MGA: variants seen among roughly 807,000 people sequenced by gnomAD.
MGA encodes the protein MAX dimerization protein MGA.
In MGA, 40 loss-of-function variants were observed where a neutral mutation model predicts 261.1. The observed-to-expected ratio is 0.15, with a 90% CI of 0.12 to 0.20. MGA has a LOEUF of 0.20. MGA is among the 10% of genes least tolerant of loss of function. The pLI is 1.00. For missense variants in MGA, 3,397 were observed against 3,630.5 expected (o/e 0.94, Z 1.65); for synonymous variants, 1,302 against 1,290.6 (o/e 1.01, Z -0.19).
chr15:41,641,591 G>A (rs2056821004), intron 1 of MGA, among the ~76,000 whole-genome samples: 1 of 150,302 alleles, frequency 6.7e-6, no homozygotes, highest in South Asian at 2.1e-4. Flanking sequence ...CTGGGTTCAA[G>A]CAATTCTCCT....
rs912684950 is a variant in MGA, at chr15:41,699,137, G to C, written c.2166G>C (p.Val722=). 1.2e-6 allele frequency: 2 copies of C among 1,609,768 alleles called. No homozygotes were observed. The highest frequency in any genetic ancestry group is 1.7e-6 in the Non-Finnish European group (2 of 1,177,786). Reference sequence around the variant, plus strand: ...TGAAGACTTTGCGGCACAAGCAGGTGATACATCCTGGTCTTCAAGAAGGTA... The same window carrying C: ...TGAAGACTTTGCGGCACAAGCAGGTCATACATCCTGGTCTTCAAGAAGGTA... Residue 722 remains valine (V), a synonymous_variant, in exon 5 of 24, where the codon GTG becomes GTC. Transcript: ENST00000219905.
Position 41,713,330 on chromosome 15 carries a change from A to G in MGA, c.3264A>G (p.Val1088=), listed in dbSNP as rs1320003577. 4 of 1,613,838 alleles carry G rather than the reference A, an allele frequency of 2.5e-6. No homozygotes were observed. The highest frequency in any genetic ancestry group is 2.7e-5 in the African/African-American group (2 of 74,896). The change falls in exon 9 of 24, where the codon GTA becomes GTG. Residue 1088 remains valine (V), a synonymous_variant. Coordinates refer to ENST00000219905, the MANE Select transcript of MGA (RefSeq NM_001164273.2). The stretch of plus-strand genomic sequence containing the variant: ...GTACTTGTTTGAAAAGAAAAGTTGT[A>G]CTTGTTAAAGGAGGATCCAAAACTA...
chr15:41,725,910 T>C (rs2061222159), intron 9 of MGA, among the ~76,000 whole-genome samples: 1 of 152,036 alleles, frequency 6.6e-6, no homozygotes, highest in Admixed American at 6.6e-5. Flanking sequence ...ACCTAGATCT[T>C]CTTTTTAATT....
At chr15:41,709,130 T>C (rs540993144) in intron 7 of MGA, among the ~76,000 whole-genome samples, 12 of 152,210 alleles carry the variant, frequency 7.9e-5, no homozygotes, top group African/African-American at 2.9e-4. Context: ...GCGGATTGCC[T>C]GAGCTCAGGA....
intron 2 of MGA, among the ~76,000 whole-genome samples, chr15:41,682,776 C>T (rs796729758): frequency 7.9e-5 from 12 of 152,246 alleles, no homozygotes; most frequent in African/African-American, 2.6e-4. Context: ...CCACTGCACC[C>T]GGCCTCATGT....
At chr15:41,703,494 A>C (rs907874547) in intron 5 of MGA, among the ~76,000 whole-genome samples, 1 of 150,142 alleles carries the variant, frequency 6.7e-6, no homozygotes, top group African/African-American at 2.4e-5. Flanking sequence ...TAGCCTATCT[A>C]TATAAGTTAT....
At chr15:41,701,884 G>A (rs2045568763) in intron 5 of MGA, among the ~76,000 whole-genome samples, 1 of 152,168 alleles carries the variant, frequency 6.6e-6, no homozygotes, top group South Asian at 2.1e-4. Flanking sequence ...TGCTGACACA[G>A]TTTTGTTTTT....
chr15:41,683,561 A>G (rs1248202765), intron 2 of MGA, among the ~76,000 whole-genome samples: 1 of 143,754 alleles, frequency 7.0e-6, no homozygotes, highest in Non-Finnish European at 1.5e-5. Flanking sequence ...TCTTTGTTCT[A>G]TTAATGAATC....
At chr15:41,723,423 T>C (rs536786393) in intron 9 of MGA, among the ~76,000 whole-genome samples, 1 of 152,278 alleles carries the variant, frequency 6.6e-6, no homozygotes, top group Non-Finnish European at 1.5e-5. Context: ...TTTATTTACA[T>C]ATATTTTTGA....
chr15:41,763,882 G>A (rs2152028194), intron 22 of MGA, among the ~76,000 whole-genome samples: 1 of 152,156 alleles, frequency 6.6e-6, no homozygotes, highest in Non-Finnish European at 1.5e-5. Context: ...ATCTGGCTGG[G>A]CGCAGTGGCT....
In MGA at chr15:41,766,279, G is replaced by A. The variant is rs760533003; in HGVS notation, c.8197G>A (p.Val2733Ile). The stretch of plus-strand genomic sequence containing the variant: ...TTCTGGTTATCCACAAATAGTTGAC[G>A]TTTCCAATATGCAGAAAGCACAAGA... The change falls in exon 24 of 24, where the codon GTT becomes ATT. Residue 2733 changes from valine (V) to isoleucine (I), a missense_variant. Around this residue, in one of 9 missense-constraint regions of MGA, gnomAD observed 647 missense variants for 642.4 expected, o/e 1.01. Coordinates refer to ENST00000219905, the MANE Select transcript of MGA (RefSeq NM_001164273.2). 9.9e-6 allele frequency: 16 copies of A among 1,613,820 alleles called. No homozygotes were observed. Among genetic ancestry groups the A allele is most frequent in the South Asian group, 2.2e-5 (2 of 91,078 alleles).
At chr15:41,746,401 G>A (rs745483117) in intron 15 of MGA, among the ~76,000 whole-genome samples, 6 of 151,864 alleles carry the variant, frequency 4.0e-5, no homozygotes, top group African/African-American at 7.3e-5. Flanking sequence ...AAAATTAGCC[G>A]GATGTGGTGG....
intron 20 of MGA, 73 bp downstream of exon 20, chr15:41,760,602 C>T: frequency 6.9e-7 from 1 of 1,449,668 alleles, no homozygotes; most frequent in Non-Finnish European, 9.6e-7. Flanking sequence ...AAAGATAATC[C>T]ACTGACATAT....
chr15:41,743,031 G>C lies in MGA; in HGVS notation c.5071G>C (p.Ala1691Pro). Residue 1691 changes from alanine to proline, a missense_variant, in exon 15 of 24, where the codon GCT (alanine) becomes CCT (proline). This residue lies in a region of MGA where 1,410 missense variants were observed against 1,386.4 expected (regional missense o/e 1.02). Transcript: ENST00000219905. ...TCCTTCAACCATAACTCTTCCTGTT[G>C]CTTCCACTGCTTCCACCTCCTTAGT... is the stretch of plus-strand genomic sequence containing the variant. 2 of 1,613,920 alleles carry C rather than the reference G, an allele frequency of 1.2e-6. No individual in the cohort carries two copies. The highest frequency in any genetic ancestry group is 1.1e-5 in the South Asian group (1 of 91,088).
At chr15:41,641,378 T>C (rs1217244587) in intron 1 of MGA, among the ~76,000 whole-genome samples, 1 of 152,146 alleles carries the variant, frequency 6.6e-6, no homozygotes, top group East Asian at 1.9e-4. Context: ...TCATATGGTA[T>C]CTCCATGCTT....
rs2057949683 is a variant in MGA at position 41,669,875 on chromosome 15, T to C, written c.981T>C (p.Asn327=). Reference sequence around the variant, plus strand: ...AGGGTTTGGAGAAGACTTCCCTTAATATAAAACGAGACTTTCTTGGTTTCA... The same window carrying C: ...AGGGTTTGGAGAAGACTTCCCTTAACATAAAACGAGACTTTCTTGGTTTCA... The change falls in exon 2 of 24, where the codon AAT becomes AAC. Residue 327 remains asparagine (N), a synonymous_variant. Coordinates refer to ENST00000219905, the MANE Select transcript of MGA (RefSeq NM_001164273.2). 2 of 1,614,030 alleles carry C rather than the reference T, an allele frequency of 1.2e-6. No individual in the cohort carries two copies. Among genetic ancestry groups the C allele is most frequent in the African/African-American group, 2.7e-5 (2 of 75,050 alleles).
At chr15:41,722,554 AG>A (rs886484054) in intron 9 of MGA, among the ~76,000 whole-genome samples, 2 of 152,194 alleles carry the variant, frequency 1.3e-5, no homozygotes, top group Non-Finnish European at 2.9e-5. Flanking sequence ...TGATTGAGAA[AG>A]GGTTCTGGAA....
intron 19 of MGA, among the ~76,000 whole-genome samples, chr15:41,758,396 CAAT>C (rs1418707983): frequency 6.6e-6 from 1 of 151,848 alleles, no homozygotes; most frequent in Non-Finnish European, 1.5e-5. Flanking sequence ...TAAAAAAAGA[CAAT>C]GATGGGGGTT....
At chr15:41,762,491 T>G (rs1567107328) in intron 22 of MGA, 129 bp downstream of exon 22, 4 of 572,244 alleles carry the variant, frequency 7.0e-6, no homozygotes, top group African/African-American at 4.3e-5. Context: ...TTTTTTTTTT[T>G]GGAGACAGCT....
Sources: gnomAD v4.1 joint callset for allele counts (sites outside exome capture counted in the v4.1 genomes callset) on GRCh38, gnomAD v4.1.1 for gene constraint, gnomAD v4.1.1 regional missense constraint, MANE v1.5 for transcripts, NCBI Gene and HGNC (gene_info 2026-07-23, HGNC 2026-07-21) for gene names.